NRXN3: variants seen among roughly 807,000 people sequenced by gnomAD.
NRXN3 encodes neurexin 3, also known as neurexin III.
In NRXN3, 32 loss-of-function variants were observed where a neutral mutation model predicts 137.6. That is an observed-to-expected ratio of 0.23 (90% CI 0.18 to 0.31). The LOEUF (loss-of-function observed/expected upper bound fraction) is 0.31, where lower values mean the gene tolerates loss of function less well. Among genes scored for constraint, NRXN3 ranks in the 10% least tolerant of loss-of-function variants. The pLI is 1.00. For missense variants in NRXN3, 1,574 were observed against 2,062.5 expected (o/e 0.76, Z 4.59); for synonymous variants, 798 against 784.5 (o/e 1.02, Z -0.29).
At chr14:79,770,211 T>A (rs2099072456) in intron 19 of NRXN3, among the ~76,000 whole-genome samples, 1 of 152,040 alleles carries the variant, frequency 6.6e-6, no homozygotes. Context: ...ATTAGACAGA[T>A]CAATGAGACA....
chr14:79,191,791 C>A (rs976569597), intron 15 of NRXN3, among the ~76,000 whole-genome samples: 10 of 152,072 alleles, frequency 6.6e-5, no homozygotes, highest in African/African-American at 2.2e-4. Context: ...CTGATTTGTT[C>A]ATATTTAAGA....
chr14:78,700,530 A>G (rs1364371905), intron 6 of NRXN3, among the ~76,000 whole-genome samples: 1 of 152,224 alleles, frequency 6.6e-6, no homozygotes, highest in Non-Finnish European at 1.5e-5. Flanking sequence ...ACTGGCAGCT[A>G]GAAACTTTTA....
intron 15 of NRXN3, among the ~76,000 whole-genome samples, chr14:79,385,391 A>C (rs1281837088): frequency 6.6e-6 from 1 of 151,874 alleles, no homozygotes; most frequent in Non-Finnish European, 1.5e-5. Flanking sequence ...ACATGAACTC[A>C]TCATTTTTTA....
At chr14:79,327,739 A>G (rs2091102463) in intron 15 of NRXN3, among the ~76,000 whole-genome samples, 1 of 152,128 alleles carries the variant, frequency 6.6e-6, no homozygotes, top group African/African-American at 2.4e-5. Context: ...ATATAAATAT[A>G]TTTTGGTCCT....
chr14:78,358,671 C>A (rs1352247385), intron 4 of NRXN3, among the ~76,000 whole-genome samples: 3 of 152,166 alleles, frequency 2.0e-5, no homozygotes, highest in Non-Finnish European at 4.4e-5. Flanking sequence ...GGTTGCTGCC[C>A]AGCTAGGATG....
intron 17 of NRXN3, among the ~76,000 whole-genome samples, chr14:79,670,828 T>C (rs778774987): frequency 7.9e-5 from 12 of 152,260 alleles, no homozygotes; most frequent in South Asian, 2.1e-4. Context: ...CCCGTATACA[T>C]TTTAGGACCA....
At chr14:79,153,626 C>T (rs1300864899) in intron 15 of NRXN3, among the ~76,000 whole-genome samples, 1 of 151,904 alleles carries the variant, frequency 6.6e-6, no homozygotes, top group African/African-American at 2.4e-5. Flanking sequence ...ACCACTGAGT[C>T]TTCTTTTATG....
intron 20 of NRXN3, among the ~76,000 whole-genome samples, chr14:79,859,119 C>T (rs2099409183): frequency 6.6e-6 from 1 of 152,114 alleles, no homozygotes; most frequent in African/African-American, 2.4e-5. Context: ...AGAGCACATA[C>T]TACAAGATCA....
chr14:78,597,870 C>T (rs747558742), intron 4 of NRXN3, among the ~76,000 whole-genome samples: 2 of 152,164 alleles, frequency 1.3e-5, no homozygotes, highest in East Asian at 1.9e-4. Context: ...GTGATGACCA[C>T]GGCTAGTTGA....
At chr14:79,167,761 A>G (rs1448015117) in intron 15 of NRXN3, among the ~76,000 whole-genome samples, 2 of 151,860 alleles carry the variant, frequency 1.3e-5, no homozygotes, top group African/African-American at 4.8e-5. Context: ...CTAAAGTTAC[A>G]ACTTATTCTT....
chr14:79,291,615 G>A (rs948416932), intron 15 of NRXN3, among the ~76,000 whole-genome samples: 4 of 143,890 alleles, frequency 2.8e-5, no homozygotes, highest in African/African-American at 1.0e-4. Context: ...ATCAGGTTGG[G>A]TATTTAAGCA....
chr14:78,988,240 A>T, intron 15 of NRXN3, 99 bp downstream of exon 15: 1 of 1,422,008 alleles, frequency 7.0e-7, no homozygotes, highest in Non-Finnish European at 9.9e-7. Flanking sequence ...CTTCTGAAAG[A>T]TTCATAAGTA....
chr14:79,801,044 AATGTTGCATGC>A, intron 19 of NRXN3, among the ~76,000 whole-genome samples: 1 of 152,322 alleles, frequency 6.6e-6, no homozygotes, highest in East Asian at 1.9e-4. Flanking sequence ...AGGTGTGGCC[AATGTTGCATGC>A]CAGGTTCTTG....
At chr14:78,852,546 C>T (rs1159121860) in intron 10 of NRXN3, among the ~76,000 whole-genome samples, 1 of 152,052 alleles carries the variant, frequency 6.6e-6, no homozygotes, top group Non-Finnish European at 1.5e-5. Flanking sequence ...ATTCTGTTGC[C>T]TGTGACATTG....
At chr14:79,283,661 T>C (rs942774799) in intron 15 of NRXN3, among the ~76,000 whole-genome samples, 1 of 151,912 alleles carries the variant, frequency 6.6e-6, no homozygotes, top group African/African-American at 2.4e-5. Flanking sequence ...TAGGATTGTG[T>C]TTCAGGATAG....
intron 15 of NRXN3, among the ~76,000 whole-genome samples, chr14:79,222,314 G>A (rs537840825): frequency 7.2e-5 from 11 of 152,196 alleles, no homozygotes; most frequent in Middle Eastern, 3.4e-3. Flanking sequence ...GCTTGATGGG[G>A]ATAGCATTGA....
intron 19 of NRXN3, among the ~76,000 whole-genome samples, chr14:79,793,955 G>A (rs1033957363): frequency 6.6e-6 from 1 of 152,112 alleles, no homozygotes; most frequent in Non-Finnish European, 1.5e-5. Context: ...ACTGCTTTTT[G>A]TTTCACTTCT....
intron 15 of NRXN3, among the ~76,000 whole-genome samples, chr14:79,244,419 T>C (rs528048474): frequency 6.6e-6 from 1 of 152,316 alleles, no homozygotes; most frequent in Non-Finnish European, 1.5e-5. Context: ...CACAGCCTTA[T>C]GGAAATTCTG....
At chr14:79,724,780 A>G (rs2098871951) in intron 19 of NRXN3, among the ~76,000 whole-genome samples, 1 of 152,184 alleles carries the variant, frequency 6.6e-6, no homozygotes, top group Admixed American at 6.6e-5. Flanking sequence ...TAGCTGCAAG[A>G]CAACACCATG....
Sources: allele counts gnomAD v4.1 joint callset (sites outside exome capture counted in the v4.1 genomes callset), GRCh38; gene constraint gnomAD v4.1.1; transcripts MANE v1.5; gene names NCBI Gene and HGNC (gene_info 2026-07-23, HGNC 2026-07-21).